The following CCSER1 variants were observed in gnomAD, a reference collection of about 807,000 sequenced individuals.
CCSER1 encodes coiled-coil serine rich protein 1.
In CCSER1, 41 loss-of-function variants were observed where a neutral mutation model predicts 82.0. The observed-to-expected ratio is 0.50, with a 90% confidence interval of 0.39 to 0.65. The LOEUF (loss-of-function observed/expected upper bound fraction) is 0.65. CCSER1 is among the 30% of genes least tolerant of loss of function. The pLI is 0.00. For synonymous variants in CCSER1, 414 were observed against 383.9 expected, an observed-to-expected ratio of 1.08 and a Z score of -0.92; for missense variants, 1,119 against 1,064.2, an observed-to-expected ratio of 1.05 and a Z score of -0.72.
chr4:91,223,370 G>GAA (rs201804747), intron 10 of CCSER1, among the ~76,000 whole-genome samples: 21 of 150,192 alleles, frequency 1.4e-4, no homozygotes, highest in African/African-American at 5.1e-4. Context: ...TGTATCTACA[G>GAA]AAAAAAAAAC....
intron 10 of CCSER1, among the ~76,000 whole-genome samples, chr4:91,308,018 TTGTAGATATTAGTTC>T (rs1745196818): frequency 6.6e-6 from 1 of 151,952 alleles, no homozygotes; most frequent in African/African-American, 2.4e-5. Context: ...AACACTCTAC[TTGTAGATATTAGTTC>T]CCTTCACTGC....
intron 8 of CCSER1, among the ~76,000 whole-genome samples, chr4:90,913,880 A>G (rs1726850556): frequency 6.6e-6 from 1 of 152,152 alleles, no homozygotes; most frequent in Admixed American, 6.5e-5. Context: ...ACCAACAAAA[A>G]TCAAAAGAGA....
chr4:91,313,431 G>C (rs896659890), intron 10 of CCSER1, among the ~76,000 whole-genome samples: 2 of 151,410 alleles, frequency 1.3e-5, no homozygotes, highest in East Asian at 2.0e-4. Context: ...AATTTGATTT[G>C]GTTCCTACTT....
intron 10 of CCSER1, among the ~76,000 whole-genome samples, chr4:91,571,104 A>T (rs1289119372): frequency 6.6e-6 from 1 of 152,142 alleles, no homozygotes; most frequent in African/African-American, 2.4e-5. Context: ...ATCTGAGACC[A>T]CCTCAGCCTG....
At chr4:90,248,019 T>C (rs1433936460) in intron 1 of CCSER1, among the ~76,000 whole-genome samples, 1 of 152,166 alleles carries the variant, frequency 6.6e-6, no homozygotes, top group Non-Finnish European at 1.5e-5. Context: ...TTCAGCTGTC[T>C]ACATTCATTA....
chr4:90,453,822 G>C (rs1246622371), intron 4 of CCSER1, among the ~76,000 whole-genome samples: 2 of 152,212 alleles, frequency 1.3e-5, no homozygotes, highest in African/African-American at 4.8e-5. Flanking sequence ...AGAGAAGGGA[G>C]TGCCTGGACT....
chr4:91,353,495 G>T (rs899559216), intron 10 of CCSER1, among the ~76,000 whole-genome samples: 4 of 152,150 alleles, frequency 2.6e-5, no homozygotes, highest in Non-Finnish European at 4.4e-5. Context: ...GCGTGGTGCT[G>T]GGCTGCCTGT....
intron 9 of CCSER1, among the ~76,000 whole-genome samples, chr4:90,948,325 A>T (rs990518752): frequency 6.6e-6 from 1 of 151,824 alleles, no homozygotes. Flanking sequence ...ATATGAAATT[A>T]GTGTCTTCAC....
At chr4:91,294,623 C>G (rs1390182740) in intron 10 of CCSER1, among the ~76,000 whole-genome samples, 1 of 151,826 alleles carries the variant, frequency 6.6e-6, no homozygotes, top group Non-Finnish European at 1.5e-5. Context: ...GCTCTAGAGG[C>G]TGTCAGGGGT....
chr4:91,037,680 G>A (rs1025018403), intron 9 of CCSER1, among the ~76,000 whole-genome samples: 1 of 151,850 alleles, frequency 6.6e-6, no homozygotes, highest in African/African-American at 2.4e-5. Context: ...AAAAATGAAA[G>A]AAAGATAACT....
At chr4:90,322,329 T>G (rs999370376) in intron 3 of CCSER1, among the ~76,000 whole-genome samples, 3 of 152,212 alleles carry the variant, frequency 2.0e-5, no homozygotes, top group Non-Finnish European at 2.9e-5. Context: ...CTCTGTTCCA[T>G]TGGTCTGCGT....
chr4:90,482,792 G>C (rs141700460), intron 5 of CCSER1, among the ~76,000 whole-genome samples: 2,430 of 152,198 alleles, frequency 0.016, 39 homozygotes, highest in African/African-American at 0.047. Context: ...TTACTTCCAA[G>C]TATGTGGTCA....
At chr4:91,000,739 G>A (rs913602963) in intron 9 of CCSER1, among the ~76,000 whole-genome samples, 2 of 152,096 alleles carry the variant, frequency 1.3e-5, no homozygotes, top group East Asian at 3.9e-4. Context: ...AATGTTATCA[G>A]TTTATAGAAA....
chr4:90,821,915 A>G (rs1190634665), intron 8 of CCSER1, among the ~76,000 whole-genome samples: 1 of 152,116 alleles, frequency 6.6e-6, no homozygotes, highest in African/African-American at 2.4e-5. Context: ...TTGATGGTGA[A>G]GTGTAGTCTT....
chr4:90,909,343 T>C (rs1264865746), intron 8 of CCSER1, among the ~76,000 whole-genome samples: 1 of 152,096 alleles, frequency 6.6e-6, no homozygotes, highest in Non-Finnish European at 1.5e-5. Context: ...ATTTTGGAGG[T>C]ACACAGTTCC....
intron 3 of CCSER1, among the ~76,000 whole-genome samples, chr4:90,393,214 A>G (rs559825101): frequency 6.6e-6 from 1 of 152,142 alleles, no homozygotes; most frequent in Non-Finnish European, 1.5e-5. Flanking sequence ...TTTTTTTCCC[A>G]AGTAAAAAGG....
At chr4:91,214,718 G>T (rs561916309) in intron 10 of CCSER1, among the ~76,000 whole-genome samples, 1 of 152,206 alleles carries the variant, frequency 6.6e-6, no homozygotes, top group Admixed American at 6.5e-5. Flanking sequence ...AGAAGTAATC[G>T]TTTTTAAAAG....
chr4:90,471,767 G>A (rs1016203873), intron 5 of CCSER1, among the ~76,000 whole-genome samples: 26 of 151,924 alleles, frequency 1.7e-4, no homozygotes, highest in Admixed American at 4.6e-4. Flanking sequence ...TTGAGGTCAG[G>A]AGTTTGAGAC....
intron 4 of CCSER1, among the ~76,000 whole-genome samples, chr4:90,460,256 C>T (rs1408427143): frequency 7.8e-6 from 1 of 128,522 alleles, no homozygotes; most frequent in Non-Finnish European, 1.5e-5. Flanking sequence ...ACCCGGGAGG[C>T]GGAGCTTGCA....
Sources: gnomAD v4.1 joint callset for allele counts (sites outside exome capture counted in the v4.1 genomes callset) on GRCh38, gnomAD v4.1.1 for gene constraint, MANE v1.5 for transcripts, NCBI Gene and HGNC (gene_info 2026-07-23, HGNC 2026-07-21) for gene names.